ADNP2: variants seen among roughly 807,000 people sequenced by gnomAD.
The protein encoded by ADNP2 is ADNP homeobox 2, also known as activity-dependent neuroprotector homeobox protein 2.
A neutral mutation model predicts 16.4 loss-of-function variants in ADNP2; 8 were observed. That is an observed-to-expected ratio of 0.49 (90% CI 0.29 to 0.88). The LOEUF (loss-of-function observed/expected upper bound fraction) is 0.88, where lower values mean the gene tolerates loss of function less well. Among genes scored for constraint, ADNP2 ranks in the 40% least tolerant of loss-of-function variants. ADNP2 has a pLI of 0.09. For missense variants in ADNP2, 1,397 were observed against 1,395.1 expected (o/e 1.00, Z -0.02); for synonymous variants, 637 against 545.8 (o/e 1.17, Z -2.33).
At chr18:80,132,624 TTC>T (rs1416496173) in intron 2 of ADNP2, among the ~76,000 whole-genome samples, 1 of 151,888 alleles carries the variant, frequency 6.6e-6, no homozygotes, top group Non-Finnish European at 1.5e-5. Flanking sequence ...TCTTTCTTTT[TTC>T]TCTTTCTCTC....
intron 2 of ADNP2, among the ~76,000 whole-genome samples, chr18:80,126,892 T>C (rs897336956): frequency 6.6e-6 from 1 of 152,234 alleles, no homozygotes; most frequent in South Asian, 2.1e-4. Flanking sequence ...AAATATTATA[T>C]GGAAAATTCC....
chr18:80,118,507 C>G (rs759367162), intron 2 of ADNP2, among the ~76,000 whole-genome samples: 3 of 152,042 alleles, frequency 2.0e-5, no homozygotes, highest in African/African-American at 7.2e-5. Flanking sequence ...CATTTATAGC[C>G]TTGCTTTCCC....
intron 2 of ADNP2, among the ~76,000 whole-genome samples, chr18:80,132,686 T>C (rs1422205439): frequency 2.1e-5 from 3 of 144,974 alleles, no homozygotes; most frequent in Non-Finnish European, 3.0e-5. Flanking sequence ...CTCCCCTCTC[T>C]CCTCTCCCCT....
intron 2 of ADNP2, among the ~76,000 whole-genome samples, chr18:80,118,930 T>G (rs2052406469): frequency 6.6e-6 from 1 of 152,216 alleles, no homozygotes; most frequent in Middle Eastern, 3.2e-3. Context: ...TAATTGGGCC[T>G]ATAATGAAAT....
chr18:80,133,433 G>A (rs539080240), intron 3 of ADNP2, among the ~76,000 whole-genome samples: 5 of 152,292 alleles, frequency 3.3e-5, no homozygotes, highest in East Asian at 1.9e-4. Context: ...GTTTGTCCTT[G>A]ATTATAAGAT....
At position 80,138,834 on chromosome 18, in the gene ADNP2, ACT is replaced by A. The variant is rs2145220276; in HGVS notation, c.*28_*29del. 3 of 1,435,054 alleles carry A rather than the reference ACT, an allele frequency of 2.1e-6. No individual in the cohort carries two copies. The highest frequency in any genetic ancestry group is 2.4e-5 in the East Asian group (1 of 41,372). 88.9% of individuals were successfully genotyped at this position (1,435,054 alleles called of 1,614,324 possible). On this transcript the variant is annotated 3_prime_UTR_variant, in exon 4 of 4. Transcript: ENST00000262198. ...AAACTTGCAAAAAAAAAAAAAAGTA[ACT>A]CTAAAGTAGTAGGTAGATTTTTTTC... is the stretch of plus-strand genomic sequence containing the variant.
Position 80,138,012 on chromosome 18 carries a change from C to G in ADNP2, c.2599C>G (p.Pro867Ala), listed in dbSNP as rs761839723. ...GGTGAGGCCTCAGGCTGAGGGCACCCCCGGGAGCACCGGCAAGCGAGTGTC... is the reference window on the plus strand; with the variant it reads ...GGTGAGGCCTCAGGCTGAGGGCACCGCCGGGAGCACCGGCAAGCGAGTGTC... ...VKVRPQAEGT[P>A]GSTGKRVSTC... The change falls in exon 4 of 4, where the codon CCC (proline) becomes GCC (alanine). Residue 867 changes from proline (P) to alanine (A), a missense_variant. Physicochemically the swap from Pro to Ala is conservative, Grantham distance 27 (BLOSUM62 -1). This residue lies in a region of ADNP2 where 611 missense variants were observed against 648.7 expected (regional missense o/e 0.94). Coordinates refer to ENST00000262198, the MANE Select transcript of ADNP2 (RefSeq NM_014913.4). The G allele has an allele frequency of 1.9e-6, 3 of 1,613,420 alleles. No individual in the cohort carries two copies. Among genetic ancestry groups the G allele is most frequent in the East Asian group, 2.2e-5 (1 of 44,886 alleles).
In ADNP2 at chr18:80,136,599, G is replaced by C. The variant is rs145004162; in HGVS notation, c.1186G>C (p.Val396Leu). Residue 396 changes from valine (V) to leucine (L), a missense_variant, in exon 4 of 4, where the codon GTT becomes CTT. Coordinates refer to ENST00000262198, the MANE Select transcript of ADNP2 (RefSeq NM_014913.4). ...GTSVLPINQT[V>L]RPGVLPLTQP... is the part of the protein sequence containing the mutation. ...TAGTGTCCTCCCCATAAATCAGACTGTTCGCCCTGGGGTTTTACCCCTCAC... is the reference window on the plus strand; with the variant it reads ...TAGTGTCCTCCCCATAAATCAGACTCTTCGCCCTGGGGTTTTACCCCTCAC... 4.1e-4 allele frequency: 663 copies of C among 1,614,104 alleles called. No individual in the cohort carries two copies. The highest frequency in any genetic ancestry group is 5.4e-4 in the Non-Finnish European group (642 of 1,180,040).
chr18:80,138,149 C>T lies in ADNP2; in HGVS notation c.2736C>T (p.Ala912=). The T allele has an allele frequency of 1.2e-6, 2 of 1,614,160 alleles. No individual in the cohort carries two copies. Among genetic ancestry groups the T allele is most frequent in the Non-Finnish European group, 1.7e-6 (2 of 1,180,044 alleles). Residue 912 remains alanine (A), a synonymous_variant, in exon 4 of 4, where the codon GCC becomes GCT. Coordinates refer to ENST00000262198, the MANE Select transcript of ADNP2 (RefSeq NM_014913.4). Reference sequence around the variant, plus strand: ...TCCACACGGTCCTGAAGTCTCCCGCCTTCAAGTGCATCCACTGCTGTGGGG... The same window carrying T: ...TCCACACGGTCCTGAAGTCTCCCGCTTTCAAGTGCATCCACTGCTGTGGGG... ...PTVHTVLKSP[A]FKCIHCCGVY...
At position 80,136,565 on chromosome 18, in the gene ADNP2, T is replaced by G; in HGVS notation, c.1152T>G (p.Ser384=). ...AGCCAGTCGGACCTGTCAATAAGTC[T>G]GTTGGAACTAGTGTCCTCCCCATAA... The part of the protein sequence containing the change: ...LSQPVGPVNK[S]VGTSVLPINQ... Residue 384 remains serine, a synonymous_variant, in exon 4 of 4, where the codon TCT becomes TCG. Coordinates refer to ENST00000262198, the MANE Select transcript of ADNP2 (RefSeq NM_014913.4). 2 of 1,614,250 alleles carry G rather than the reference T, an allele frequency of 1.2e-6. No individual in the cohort carries two copies. The highest frequency in any genetic ancestry group is 8.5e-7 in the Non-Finnish European group (1 of 1,180,040).
chr18:80,137,930 C>CT lies in ADNP2; in HGVS notation c.2518dup (p.Tyr840LeufsTer25). On this transcript the variant is annotated frameshift_variant, in exon 4 of 4. Transcript: ENST00000262198. LOFTEE classifies it low-confidence loss of function (END_TRUNC). This position sits in a 1 kb window ranked among gnomAD's most constrained non-coding sequence, Gnocchi z 4.2. Reference sequence around the variant, plus strand: ...AGGAGAAGCTTGGGGAGCGGGAAGTCTACTTGGCAATCCTGGCTGGGATAC... The same window carrying CT: ...AGGAGAAGCTTGGGGAGCGGGAAGTCTTACTTGGCAATCCTGGCTGGGATAC... The CT allele has an allele frequency of 6.2e-7, 1 of 1,613,540 alleles. No homozygotes were observed. Among genetic ancestry groups the CT allele is most frequent in the Non-Finnish European group, 8.5e-7 (1 of 1,180,024 alleles).
At position 80,111,605 on chromosome 18, in the gene ADNP2, C is replaced by G. The variant is rs148828292; in HGVS notation, c.-14+2133C>G. ...TTTTTGAGACGGAGTTTTGCCCTGTCGCCCAGGCTGGAGTGCAGTGGTGTG... is the reference window on the plus strand; with the variant it reads ...TTTTTGAGACGGAGTTTTGCCCTGTGGCCCAGGCTGGAGTGCAGTGGTGTG... On this transcript the variant is annotated intron_variant, in intron 1 of 3. Coordinates refer to ENST00000262198, the MANE Select transcript of ADNP2 (RefSeq NM_014913.4). 3.7e-3 allele frequency among the ~76,000 whole-genome samples: 543 copies of G among 146,690 alleles called. 4 individuals carry two copies. The highest frequency in any genetic ancestry group is 0.013 in the African/African-American group (521 of 39,372).
intron 2 of ADNP2, among the ~76,000 whole-genome samples, chr18:80,127,343 T>TG (rs1017289035): frequency 6.7e-5 from 10 of 149,492 alleles, no homozygotes; most frequent in Non-Finnish European, 1.5e-4. Flanking sequence ...TTTTCAGTTT[T>TG]TTTTTTTTTT....
chr18:80,138,716 A>T lies in ADNP2; in HGVS notation c.3303A>T (p.Ala1101=), dbSNP rs770532514. The T allele has an allele frequency of 8.1e-6, 13 of 1,609,604 alleles. No individual in the cohort carries two copies. The South Asian group carries it at 1.2e-4, about 15-fold the overall frequency. ...FGKRRYICMK[A]IKNHKPSVLL... ...AAAGAAGGTATATTTGCATGAAAGC[A>T]ATAAAAAATCACAAGCCTTCTGTAC... The change falls in exon 4 of 4, where the codon GCA becomes GCT. Residue 1101 remains alanine (A), a synonymous_variant. Coordinates refer to ENST00000262198, the MANE Select transcript of ADNP2 (RefSeq NM_014913.4).
At chr18:80,128,637 A>G (rs1348914829) in intron 2 of ADNP2, among the ~76,000 whole-genome samples, 7 of 152,194 alleles carry the variant, frequency 4.6e-5, no homozygotes, top group African/African-American at 1.7e-4. Context: ...GCGACAGAGC[A>G]AGACCCCGTC....
intron 1 of ADNP2, among the ~76,000 whole-genome samples, chr18:80,115,768 G>C (rs2156153): frequency 0.19 from 29,502 of 152,022 alleles, 3,384 homozygotes; most frequent in African/African-American, 0.31. Context: ...AGCCCTGGCA[G>C]CCACTGTTGT....
At chr18:80,132,638 T>TTTTTTCTCTCTCTCACTCTC (rs2052504525) in intron 2 of ADNP2, among the ~76,000 whole-genome samples, 1 of 150,654 alleles carries the variant, frequency 6.6e-6, no homozygotes, top group South Asian at 2.1e-4. Context: ...CTTTCTCTCT[T>TTTTTTCTCTCTCTCACTCTC]TTTTTCTCTC....
intron 2 of ADNP2, among the ~76,000 whole-genome samples, chr18:80,127,339 GTTTTTTT>G (rs35560770): frequency 9.8e-6 from 1 of 102,180 alleles, no homozygotes; most frequent in South Asian, 3.5e-4. Flanking sequence ...GGTTTTTTCA[GTTTTTTT>G]TTTTTTTTTT....
chr18:80,138,849 GTAGA>G lies in ADNP2; in HGVS notation c.*42_*45del. 7.0e-7 allele frequency: 1 copy of G among 1,433,218 alleles called. No individual in the cohort carries two copies. Among genetic ancestry groups the G allele is most frequent in the Non-Finnish European group, 9.2e-7 (1 of 1,089,886 alleles). 88.8% of individuals were successfully genotyped at this position (1,433,218 alleles called of 1,614,324 possible). A position where few individuals can be genotyped will look rare whatever the true frequency, so the allele number is the denominator to read the frequency against. On this transcript the variant is annotated 3_prime_UTR_variant, in exon 4 of 4. Transcript: ENST00000262198. ...AAAAAAAGTAACTCTAAAGTAGTAG[GTAGA>G]TTTTTTTCAGTTGAAATTTCACAGT...
Sources: allele counts gnomAD v4.1 joint callset (sites outside exome capture counted in the v4.1 genomes callset), GRCh38; gene constraint gnomAD v4.1.1; regional missense constraint gnomAD v4.1.1; non-coding constraint Gnocchi (gnomAD v3.1); transcripts MANE v1.5; gene names NCBI Gene and HGNC (gene_info 2026-07-23, HGNC 2026-07-21).